The following TMEM59 variants were observed in gnomAD, a reference collection of about 807,000 sequenced individuals.
TMEM59 encodes the protein transmembrane protein 59, also known as dendritic cell factor 1.
In TMEM59, 44 loss-of-function variants were observed where a neutral mutation model predicts 42.2. The observed-to-expected ratio is 1.04, with a 90% CI of 0.82 to 1.34. The LOEUF is 1.34. TMEM59 is among the 40% of genes most tolerant of loss of function. TMEM59 has a pLI of 0.00. For missense variants in TMEM59, 359 were observed against 382.8 expected (o/e 0.94, Z 0.52); for synonymous variants, 148 against 145.8 (o/e 1.02, Z -0.11).
rs1397451969 is a variant in TMEM59 at position 54,053,085 on chromosome 1, G to A, written c.104C>T (p.Ala35Val). The A allele has an allele frequency of 6.2e-7, 1 of 1,614,250 alleles. No individual in the cohort carries two copies. The highest frequency in any genetic ancestry group is 8.5e-7 in the Non-Finnish European group (1 of 1,180,042). Residue 35 changes from alanine to valine, a missense_variant, in exon 1 of 8, where the codon GCT (alanine) becomes GTT (valine). Physicochemically the swap from Ala to Val is moderately conservative, Grantham distance 64. Transcript: ENST00000234831. Reference protein sequence around the residue: ...ALAGGSGTASAEAFDSVLGDT... With the variant: ...ALAGGSGTASVEAFDSVLGDT... ...ACCCAAGACCGAGTCAAATGCTTCA[G>A]CCGAAGCGGTCCCCGAACCTCCGGC...
intron 7 of TMEM59, chr1:54,033,130 CT>C (rs929905487): frequency 1.6e-3 from 220 of 136,320 alleles, no homozygotes; most frequent in Middle Eastern, 3.6e-3. Flanking sequence ...TTTTTTCTTT[CT>C]TTTTTTTTTT....
intron 4 of TMEM59, among the ~76,000 whole-genome samples, chr1:54,042,539 A>G (rs1657176115): frequency 6.6e-6 from 1 of 152,186 alleles, no homozygotes; most frequent in Non-Finnish European, 1.5e-5. Flanking sequence ...GGTTCAGGGG[A>G]GTGCTAAAAA....
chr1:54,043,461 C>T lies in TMEM59; in HGVS notation c.455G>A (p.Ser152Asn). 6.3e-7 allele frequency: 1 copy of T among 1,578,066 alleles called. No individual in the cohort carries two copies. Among genetic ancestry groups the T allele is most frequent in the Non-Finnish European group, 8.6e-7 (1 of 1,161,518 alleles). Residue 152 changes from serine to asparagine, a missense_variant, in exon 4 of 8, where the codon AGT becomes AAT. Transcript: ENST00000234831. ...FPLTLVRSFW[S>N]DMMDSAQSFI... The stretch of plus-strand genomic sequence containing the variant: ...GCTCTGTGCGGAGTCCATCATGTCA[C>T]TCCAGAATGACCTCACCAGAGTTAG...
intron 3 of TMEM59, chr1:54,045,413 A>G (rs1212949114): frequency 1.9e-5 from 7 of 363,156 alleles, no homozygotes; most frequent in Non-Finnish European, 3.0e-5. Flanking sequence ...AATTCCTCTG[A>G]GCCTTGGTTT....
Position 54,043,419 on chromosome 1 carries a change from C to T in TMEM59, c.497G>A (p.Trp166Ter). ...DSAQSFITSS[W>*]TFYLQADDGK... Reference sequence around the variant, plus strand: ...GTCATCGGCTTGAAGATAAAAAGTCCATGAAGAGGTTATGAAGCTCTGTGC... The same window carrying T: ...GTCATCGGCTTGAAGATAAAAAGTCTATGAAGAGGTTATGAAGCTCTGTGC... Residue 166 changes from tryptophan to a stop codon, truncating the protein, a stop_gained, in exon 4 of 8, where the codon TGG becomes TAG. Coordinates refer to ENST00000234831, the MANE Select transcript of TMEM59 (RefSeq NM_004872.5). LOFTEE classifies it high-confidence loss of function. 11 of 1,574,392 alleles carry T rather than the reference C, an allele frequency of 7.0e-6. No individual in the cohort carries two copies. The highest frequency in any genetic ancestry group is 9.5e-6 in the Non-Finnish European group (11 of 1,161,320).
chr1:54,045,537 C>A, intron 3 of TMEM59, 155 bp downstream of exon 3: 1 of 629,794 alleles, frequency 1.6e-6, no homozygotes, highest in South Asian at 2.2e-5. Flanking sequence ...AGCAATTATT[C>A]AACTGACTTT....
rs1317566157 is a variant in TMEM59 at position 54,045,712 on chromosome 1, C to T, written c.370G>A (p.Ala124Thr). ...CGTACTTGTTCTTGTCTCAGTTCAG[C>T]GAATGGCAGCTGATTCTGGCAACCA... ...HLGCQNQLPFAELRQEQLMSL... is the reference protein window; with the variant it reads ...HLGCQNQLPFTELRQEQLMSL... The change falls in exon 3 of 8, where the codon GCT becomes ACT. Residue 124 changes from alanine to threonine, a missense_variant. By Grantham distance (58) the Ala-to-Thr change is moderately conservative. Coordinates refer to ENST00000234831, the MANE Select transcript of TMEM59 (RefSeq NM_004872.5). 9 of 1,614,012 alleles carry T rather than the reference C, an allele frequency of 5.6e-6. 1 individual carries two copies. The highest frequency in any genetic ancestry group is 2.2e-5 in the South Asian group (2 of 91,078).
At chr1:54,049,311 G>A (rs898546691) in intron 1 of TMEM59, among the ~76,000 whole-genome samples, 3 of 152,180 alleles carry the variant, frequency 2.0e-5, no homozygotes, top group African/African-American at 7.2e-5. Flanking sequence ...ATTGCAGAGT[G>A]TCAATCTTCA....
intron 2 of TMEM59, 109 bp downstream of exon 2, chr1:54,047,158 T>C: frequency 1.2e-6 from 1 of 812,122 alleles, no homozygotes; most frequent in Middle Eastern, 3.5e-4. Context: ...ATATGTTAGA[T>C]GACTAGTTTC....
rs1656754241 is a variant in TMEM59 at position 54,031,130 on chromosome 1, A to T, written c.*1020T>A. 1 of 152,256 alleles carries T rather than the reference A, an allele frequency of 6.6e-6. No homozygotes were observed. The highest frequency in any genetic ancestry group is 2.1e-4 in the South Asian group (1 of 4,826). 9.4% of individuals were successfully genotyped at this position (152,256 alleles called of 1,614,324 possible). A position where few individuals can be genotyped will look rare whatever the true frequency, so the allele number is the denominator to read the frequency against. On this transcript the variant is annotated 3_prime_UTR_variant, in exon 8 of 8. Transcript: ENST00000234831. The stretch of plus-strand genomic sequence containing the variant: ...TCCAGGTGTGGTGGCGCATGCCTGT[A>T]ATCCCAGCTACTCGGGAGGCTGAGG...
chr1:54,050,754 G>T (rs1657507475), intron 1 of TMEM59, among the ~76,000 whole-genome samples: 1 of 151,574 alleles, frequency 6.6e-6, no homozygotes, highest in Non-Finnish European at 1.5e-5. Context: ...TAGAGACAGG[G>T]TTTCACCATG....
intron 6 of TMEM59, among the ~76,000 whole-genome samples, chr1:54,038,460 C>T (rs764367336): frequency 1.2e-4 from 19 of 152,172 alleles, no homozygotes; most frequent in Non-Finnish European, 2.5e-4. Context: ...TCTGAGAACT[C>T]CTGACATCTT....
chr1:54,053,403 T>C (rs1379165077), upstream of TMEM59: 4 of 597,526 alleles, frequency 6.7e-6, no homozygotes, highest in East Asian at 1.2e-4. Context: ...AGGAGGGGAA[T>C]TCAACCATCG....
intron 1 of TMEM59, chr1:54,047,834 T>C (rs1461141422): frequency 5.6e-6 from 1 of 177,446 alleles, no homozygotes; most frequent in African/African-American, 2.4e-5. Flanking sequence ...CTGGGTATGG[T>C]AGTGCACACT....
chr1:54,032,400 T>TA (rs925427183), intron 7 of TMEM59, 95 bp from the exon 8 acceptor site: 70 of 1,198,362 alleles, frequency 5.8e-5, no homozygotes, highest in South Asian at 1.5e-4. Context: ...AAATAGTTGG[T>TA]AAAAAAAATT....
chr1:54,047,462 A>C (rs1657381479), intron 1 of TMEM59, 90 bp from the exon 2 acceptor site: 2 of 1,009,820 alleles, frequency 2.0e-6, no homozygotes, highest in South Asian at 3.0e-5. Flanking sequence ...CAGTTAGTAA[A>C]GTTTATTACA....
In TMEM59 at chr1:54,047,392, G is replaced by C; in HGVS notation, c.190-20C>G. ...CTCTTCCTAGGGAGTTCAAGAACAG[G>C]AAGGGTTACCAAAAAATAGTATTTT... On this transcript the variant is annotated intron_variant, in intron 1 of 7. Coordinates refer to ENST00000234831, the MANE Select transcript of TMEM59 (RefSeq NM_004872.5). The C allele has an allele frequency of 1.3e-6, 2 of 1,590,768 alleles. No individual in the cohort carries two copies. The highest frequency in any genetic ancestry group is 1.7e-6 in the Non-Finnish European group (2 of 1,165,398).
At chr1:54,044,427 C>T (rs1017975016) in intron 3 of TMEM59, 6 of 150,534 alleles carry the variant, frequency 4.0e-5, no homozygotes, top group Non-Finnish European at 8.8e-5. Context: ...CAGCACTGGG[C>T]CTCTCTAAAG....
intron 1 of TMEM59, among the ~76,000 whole-genome samples, chr1:54,051,909 T>G (rs1657554162): frequency 6.6e-6 from 1 of 152,176 alleles, no homozygotes; most frequent in African/African-American, 2.4e-5. Flanking sequence ...ATCTGAGAAG[T>G]GCCGGCACTT....
Sources: gnomAD v4.1 joint callset for allele counts (sites outside exome capture counted in the v4.1 genomes callset) on GRCh38, gnomAD v4.1.1 for gene constraint, MANE v1.5 for transcripts, NCBI Gene and HGNC (gene_info 2026-07-23, HGNC 2026-07-21) for gene names.